Variants in FGF13 observed in about 807,000 individuals in gnomAD.
FGF13 encodes the protein fibroblast growth factor 13, also known as fibroblast growth factor homologous factor 2.
In FGF13, 2 loss-of-function variants were observed where a neutral mutation model predicts 19.5. That is an observed-to-expected ratio of 0.10 (90% CI 0.04 to 0.32). FGF13 has a LOEUF of 0.32. Among genes scored for constraint, FGF13 ranks in the 10% least tolerant of loss-of-function variants. The pLI is 1.00. For missense variants in FGF13, 113 were observed against 192.7 expected (o/e 0.59, Z 2.45); for synonymous variants, 72 against 76.9 (o/e 0.94, Z 0.33).
chrX:138,660,031 A>C (rs1373785713), intron 3 of FGF13, among the ~76,000 whole-genome samples: 2 of 60 alleles, frequency 0.033, no homozygotes, highest in African/African-American at 0.083. Flanking sequence ...ACTATGTAAC[A>C]AGCCTGCACT....
At chrX:139,126,667 G>C (rs890542931) in intron 1 of FGF13, among the ~76,000 whole-genome samples, 13 of 111,894 alleles carry the variant, frequency 1.2e-4, no homozygotes, top group African/African-American at 4.2e-4. Flanking sequence ...TGTCCCGTCG[G>C]CAAGAATAAT....
rs941670230 is a variant in FGF13, at chrX:138,844,160, G to A, written c.217+13352C>T. 1.3e-4 allele frequency among the ~76,000 whole-genome samples: 15 copies of A among 112,180 alleles called. No individual in the cohort carries two copies. In the East Asian group the frequency reaches 3.1e-3, roughly 23 times the overall value. On this transcript the variant is annotated intron_variant, in intron 3 of 6. Coordinates refer to the FGF13 transcript ENST00000436198. ...TTGGAAACACATGTAATGTCATCTT[G>A]ATTGTATCATATTAATGTGGCTTCA... is the stretch of plus-strand genomic sequence containing the variant.
At chrX:138,955,560 G>T (rs1482386387) in intron 1 of FGF13, among the ~76,000 whole-genome samples, 3 of 112,119 alleles carry the variant, frequency 2.7e-5, no homozygotes, top group African/African-American at 9.7e-5. Context: ...GTAGTAAGTG[G>T]CAGAGCCATG....
chrX:138,763,215 G>T (rs1271776478), intron 3 of FGF13, among the ~76,000 whole-genome samples: 2 of 110,200 alleles, frequency 1.8e-5, no homozygotes, highest in African/African-American at 6.6e-5. Context: ...GGGATCCATT[G>T]TTTCAGTTAC....
Position 138,708,859 on chromosome X carries a change from T to C in FGF13, c.257A>G (p.Asp86Gly). 3 of 1,210,882 alleles carry C rather than the reference T, an allele frequency of 2.5e-6. No homozygotes were observed. The highest frequency in any genetic ancestry group is 1.7e-5 in the African/African-American group (1 of 57,938). The stretch of plus-strand genomic sequence containing the variant: ...ATCTTTGGTGCCATCAATGGTTCCA[T>C]CCGCCTGCAGCTGCAAGTGGTAGCC... ...RQGYHLQLQA[D>G]GTIDGTKDED... The change falls in exon 2 of 5, where the codon GAT (aspartate) becomes GGT (glycine). Residue 86 changes from aspartate (D) to glycine (G), a missense_variant. By Grantham distance (94) the Asp-to-Gly change is moderately conservative (BLOSUM62 -1). Around this residue, in one of 4 missense-constraint regions of FGF13, gnomAD observed 51 missense variants for 78.5 expected, o/e 0.65. Coordinates refer to ENST00000315930, the MANE Select transcript of FGF13 (RefSeq NM_004114.5).
chrX:139,120,755 C>T (rs765729928), intron 1 of FGF13, among the ~76,000 whole-genome samples: 102 of 113,018 alleles, frequency 9.0e-4, no homozygotes, highest in African/African-American at 3.0e-3. Context: ...TGGATAGCTT[C>T]AGAGCCTGGG....
At chrX:138,734,427 T>A (rs1218029260) in intron 1 of FGF13, among the ~76,000 whole-genome samples, 1 of 111,332 alleles carries the variant, frequency 9.0e-6, no homozygotes, top group Non-Finnish European at 1.9e-5. Context: ...AAATAAAGTG[T>A]TGAATATGGG....
At chrX:139,034,661 A>G (rs2092244716) in intron 1 of FGF13, among the ~76,000 whole-genome samples, 1 of 111,342 alleles carries the variant, frequency 9.0e-6, no homozygotes, top group African/African-American at 3.3e-5. Flanking sequence ...GCGGATTCCA[A>G]GCATCTTGAA....
At position 138,620,802 on chromosome X, in the gene FGF13, G is replaced by A. The variant is rs2089009416; in HGVS notation, c.*12048C>T. 1.8e-5 allele frequency: 2 copies of A among 111,588 alleles called. No individual in the cohort carries two copies. The highest frequency in any genetic ancestry group is 6.5e-5 in the African/African-American group (2 of 30,742). The allele number at this position is 111,588 out of a possible 1,213,427, so 9.2% of individuals were successfully genotyped here. On this transcript the variant is annotated 3_prime_UTR_variant, in exon 5 of 5. Transcript: ENST00000315930. ...TGAAGAGATTAAAAAGATATTGCAT[G>A]TAAATAGAAACCAGAAAGAAGCAGA...
chrX:139,018,947 T>C (rs1021914763), intron 1 of FGF13, among the ~76,000 whole-genome samples: 1 of 111,141 alleles, frequency 9.0e-6, no homozygotes, highest in Non-Finnish European at 1.9e-5. Context: ...AGAAACCCCA[T>C]ACCCTTTAGC....
At chrX:138,638,881 G>A (rs1362333038) in intron 3 of FGF13, among the ~76,000 whole-genome samples, 1 of 111,253 alleles carries the variant, frequency 9.0e-6, no homozygotes, top group Non-Finnish European at 1.9e-5. Flanking sequence ...TACAACTATT[G>A]AAAAATGGCA....
chrX:138,961,556 GT>G (rs998997614), intron 1 of FGF13, among the ~76,000 whole-genome samples: 1 of 111,474 alleles, frequency 9.0e-6, no homozygotes, highest in Non-Finnish European at 1.9e-5. Context: ...GTCTGCAGAA[GT>G]TTCTGCCGCC....
intron 1 of FGF13, among the ~76,000 whole-genome samples, chrX:138,899,709 C>G (rs1364396759): frequency 9.0e-6 from 1 of 111,123 alleles, no homozygotes; most frequent in Non-Finnish European, 1.9e-5. Flanking sequence ...CTCAGGATGC[C>G]CTCCATCTTG....
chrX:138,817,095 C>A (rs2090967005), intron 3 of FGF13, among the ~76,000 whole-genome samples: 1 of 112,333 alleles, frequency 8.9e-6, no homozygotes, highest in African/African-American at 3.2e-5. Context: ...CAACATTTAT[C>A]TTGAGAATTT....
At chrX:138,772,082 C>A (rs1211012619) in intron 3 of FGF13, among the ~76,000 whole-genome samples, 1 of 89,402 alleles carries the variant, frequency 1.1e-5, no homozygotes, top group Non-Finnish European at 2.2e-5. Flanking sequence ...TATAGTGGGA[C>A]AAATGAACAT....
intron 1 of FGF13, among the ~76,000 whole-genome samples, chrX:139,099,369 T>G (rs1166888476): frequency 1.3e-5 from 1 of 78,496 alleles, no homozygotes; most frequent in Non-Finnish European, 2.5e-5. Context: ...GTGAAGAGGT[T>G]TCTATCTCAA....
chrX:139,110,398 T>C (rs1453944647), intron 1 of FGF13, among the ~76,000 whole-genome samples: 2 of 110,332 alleles, frequency 1.8e-5, no homozygotes, highest in Non-Finnish European at 3.8e-5. Flanking sequence ...TGGAAGATAA[T>C]TGAATCACGG....
chrX:138,990,281 C>T (rs189812155), intron 1 of FGF13, among the ~76,000 whole-genome samples: 62 of 110,035 alleles, frequency 5.6e-4, no homozygotes, highest in African/African-American at 2.0e-3. Flanking sequence ...TTTAAAAATA[C>T]AGCCCTTACA....
At chrX:138,920,052 G>A (rs1473467940) in intron 1 of FGF13, among the ~76,000 whole-genome samples, 1 of 111,468 alleles carries the variant, frequency 9.0e-6, no homozygotes, top group Non-Finnish European at 1.9e-5. Context: ...AAGAAGAGGG[G>A]AGAGTAGATT....
Sources: allele counts gnomAD v4.1 joint callset (sites outside exome capture counted in the v4.1 genomes callset), GRCh38; gene constraint gnomAD v4.1.1; regional missense constraint gnomAD v4.1.1; transcripts MANE v1.5; gene names NCBI Gene and HGNC (gene_info 2026-07-23, HGNC 2026-07-21).